FAM227B: variants seen among roughly 807,000 people sequenced by gnomAD.
FAM227B encodes the protein family with sequence similarity 227 member B.
Under a neutral mutation model 73.8 loss-of-function variants are expected in FAM227B, and 88 were observed. The ratio of observed to expected loss-of-function variants is 1.19; its 90% confidence interval spans 1.00 to 1.42. The LOEUF (loss-of-function observed/expected upper bound fraction) is 1.42, where lower values mean the gene tolerates loss of function less well. Ranked by LOEUF, FAM227B falls within the 40% of genes most tolerant of loss-of-function variation. The pLI is 0.00. For missense variants in FAM227B, 632 were observed against 590.9 expected (o/e 1.07, Z -0.72); for synonymous variants, 210 against 190.5 (o/e 1.10, Z -0.84).
chr15:49,392,420 A>G (rs1160683810), intron 11 of FAM227B, among the ~76,000 whole-genome samples: 1 of 152,186 alleles, frequency 6.6e-6, no homozygotes, highest in Non-Finnish European at 1.5e-5. Flanking sequence ...AGGATGCAAA[A>G]GAGACTGTGC....
chr15:49,528,265 A>G (rs2152213690), intron 10 of FAM227B, among the ~76,000 whole-genome samples: 1 of 152,078 alleles, frequency 6.6e-6, no homozygotes, highest in Middle Eastern at 3.4e-3. Flanking sequence ...CACCTATTCA[A>G]TAAATGGTGC....
In FAM227B at chr15:49,615,237, G is replaced by A. The variant is rs776402568; in HGVS notation, c.-66C>T. 34 of 1,405,328 alleles carry A rather than the reference G, an allele frequency of 2.4e-5. 1 individual carries two copies. The highest frequency in any genetic ancestry group is 3.5e-5 in the South Asian group (3 of 86,820). The allele number at this position is 1,405,328 out of a possible 1,614,324, so 87.1% of individuals were successfully genotyped here. On this transcript the variant is annotated 5_prime_UTR_variant, in exon 2 of 16. Coordinates refer to ENST00000299338, the MANE Select transcript of FAM227B (RefSeq NM_152647.3). Reference sequence around the variant, plus strand: ...TCTTAGGCTTCAATGTGAGTTGGGCGACCAAACTGGGGTATGAAAGACACC... The same window carrying A: ...TCTTAGGCTTCAATGTGAGTTGGGCAACCAAACTGGGGTATGAAAGACACC...
intron 8 of FAM227B, among the ~76,000 whole-genome samples, chr15:49,569,634 G>T (rs1412356747): frequency 1.3e-5 from 2 of 151,974 alleles, no homozygotes; most frequent in Non-Finnish European, 2.9e-5. Context: ...ATTTGTTGAG[G>T]TGAGACATTT....
At chr15:49,492,213 T>C (rs923623549) in intron 11 of FAM227B, among the ~76,000 whole-genome samples, 12 of 151,930 alleles carry the variant, frequency 7.9e-5, no homozygotes, top group Non-Finnish European at 5.9e-5. Context: ...AGATATTTGA[T>C]AGCATTGATA....
intron 11 of FAM227B, among the ~76,000 whole-genome samples, chr15:49,481,665 C>T (rs537927920): frequency 1.2e-3 from 179 of 152,232 alleles, no homozygotes; most frequent in African/African-American, 4.2e-3. Context: ...CTTCTGGTGT[C>T]AGAAACCAGG....
intron 11 of FAM227B, among the ~76,000 whole-genome samples, chr15:49,405,059 AATAAT>A (rs1341390987): frequency 3.3e-5 from 5 of 152,120 alleles, no homozygotes. Context: ...CACTTTCTTT[AATAAT>A]GTTGAATATT....
At chr15:49,572,323 T>C (rs949442422) in intron 8 of FAM227B, among the ~76,000 whole-genome samples, 11 of 152,076 alleles carry the variant, frequency 7.2e-5, no homozygotes, top group East Asian at 1.9e-4. Context: ...AGGATACTTT[T>C]ATTTCTTTCT....
Position 49,453,170 on chromosome 15 carries a change from C to T in FAM227B, c.1012+55041G>A, listed in dbSNP as rs536458982. On this transcript the variant is annotated intron_variant, in intron 11 of 15. Coordinates refer to ENST00000299338, the MANE Select transcript of FAM227B (RefSeq NM_152647.3). ...TCCCATTTTATATTCTCTGTAATAACAACTGTATTTTTCTTTTTTTAAAAT... is the reference window on the plus strand; with the variant it reads ...TCCCATTTTATATTCTCTGTAATAATAACTGTATTTTTCTTTTTTTAAAAT... Among the ~76,000 whole-genome samples, 7 of 152,110 alleles carry T rather than the reference C, an allele frequency of 4.6e-5. No homozygotes were observed. The South Asian group carries it at 1.0e-3, about 23-fold the overall frequency.
intron 11 of FAM227B, among the ~76,000 whole-genome samples, chr15:49,443,592 T>A (rs1400973221): frequency 2.6e-5 from 4 of 151,760 alleles, no homozygotes; most frequent in Non-Finnish European, 4.4e-5. Flanking sequence ...GAAAATAGTT[T>A]TCTAGTATCT....
intron 2 of FAM227B, among the ~76,000 whole-genome samples, chr15:49,613,615 A>G (rs922030320): frequency 6.6e-6 from 1 of 152,218 alleles, no homozygotes; most frequent in Admixed American, 6.5e-5. Context: ...AAAATAAATA[A>G]AAGAGTATAA....
intron 9 of FAM227B, among the ~76,000 whole-genome samples, chr15:49,547,131 T>G (rs1445532974): frequency 6.6e-6 from 1 of 152,148 alleles, no homozygotes; most frequent in African/African-American, 2.4e-5. Flanking sequence ...TATTCAACAT[T>G]CTTAAAGAAA....
intron 11 of FAM227B, among the ~76,000 whole-genome samples, chr15:49,443,747 T>C (rs1187739002): frequency 6.6e-6 from 1 of 151,744 alleles, no homozygotes; most frequent in African/African-American, 2.4e-5. Context: ...GTCAGAACTA[T>C]AGTTGTTCCT....
intron 3 of FAM227B, among the ~76,000 whole-genome samples, chr15:49,609,024 T>A (rs2077712006): frequency 6.6e-6 from 1 of 151,912 alleles, no homozygotes; most frequent in African/African-American, 2.4e-5. Flanking sequence ...AGTAGAATCT[T>A]TTGTCTTTGT....
At chr15:49,332,087 CCACACACACACACACACACACA>C (rs377139081) in intron 14 of FAM227B, among the ~76,000 whole-genome samples, 1 of 127,854 alleles carries the variant, frequency 7.8e-6, no homozygotes, top group African/African-American at 2.6e-5. Context: ...TGCACACGTG[CCACACACACACACACACACACA>C]CACACACACA....
rs1413780341 is a variant in FAM227B at position 49,458,577 on chromosome 15, T to C, written c.1012+49634A>G. 2.0e-5 allele frequency among the ~76,000 whole-genome samples: 3 copies of C among 152,120 alleles called. No individual in the cohort carries two copies. The East Asian group carries it at 5.8e-4, about 29-fold the overall frequency. ...GAACAGGATGACTAAAAATTGCTTT[T>C]TACCATTGCCAAGCTCTTGTCTTTA... On this transcript the variant is annotated intron_variant, in intron 11 of 15. Coordinates refer to ENST00000299338, the MANE Select transcript of FAM227B (RefSeq NM_152647.3).
chr15:49,540,426 T>C lies in FAM227B; in HGVS notation c.874+1254A>G, dbSNP rs138268651. On this transcript the variant is annotated intron_variant, in intron 10 of 15. Coordinates refer to ENST00000299338, the MANE Select transcript of FAM227B (RefSeq NM_152647.3). ...ATTATTGGTTTTTGCTGTACTGTTT[T>C]GCTGTAGGTTTTAAATTTGACTCTT... 3.2e-3 allele frequency among the ~76,000 whole-genome samples: 490 copies of C among 152,348 alleles called. 2 individuals carry two copies. The highest frequency in any genetic ancestry group is 5.7e-3 in the Non-Finnish European group (387 of 68,022).
chr15:49,600,117 G>A (rs1338138486), intron 3 of FAM227B, among the ~76,000 whole-genome samples: 2 of 152,030 alleles, frequency 1.3e-5, no homozygotes, highest in African/African-American at 4.8e-5. Context: ...ATTTACAATT[G>A]TTAGACACTC....
chr15:49,617,776 TTGTGTGTG>T (rs67917912), intron 1 of FAM227B, among the ~76,000 whole-genome samples: 11 of 148,206 alleles, frequency 7.4e-5, no homozygotes, highest in African/African-American at 2.5e-4. Context: ...CTTTCATGTT[TTGTGTGTG>T]TGTGTGTGTG....
intron 11 of FAM227B, among the ~76,000 whole-genome samples, chr15:49,456,745 G>A (rs1433813639): frequency 3.3e-5 from 5 of 152,040 alleles, no homozygotes; most frequent in African/African-American, 9.7e-5. Flanking sequence ...AGGAACTTGA[G>A]TCTCACTTTG....
Sources: allele counts gnomAD v4.1 joint callset (sites outside exome capture counted in the v4.1 genomes callset), GRCh38; gene constraint gnomAD v4.1.1; transcripts MANE v1.5; gene names NCBI Gene and HGNC (gene_info 2026-07-23, HGNC 2026-07-21).